Variants in MIX23 observed in about 807,000 individuals in gnomAD.
The protein encoded by MIX23 is mitochondrial matrix import factor 23.
MIX23 carries 13 observed loss-of-function variants against 21.6 expected under a neutral mutation model. That is an observed-to-expected ratio of 0.60 (90% CI 0.39 to 0.96). The LOEUF is 0.96. Ranked by LOEUF, MIX23 falls within the 40% of genes least tolerant of loss-of-function variation. The probability of loss-of-function intolerance (pLI) is 0.00; values close to 1 mark genes in which losing one functional copy is unlikely to be tolerated. For missense variants in MIX23, 144 were observed against 171.2 expected, an observed-to-expected ratio of 0.84 and a Z score of 0.89; for synonymous variants, 59 against 58.0, an observed-to-expected ratio of 1.02 and a Z score of -0.08.
chr3:122,376,157 A>G (rs1195038747), intron 1 of MIX23, among the ~76,000 whole-genome samples: 1 of 103,482 alleles, frequency 9.7e-6, no homozygotes, highest in Non-Finnish European at 1.8e-5. Flanking sequence ...GCAGAGAGAG[A>G]CTCCGTCTCA....
chr3:122,372,224 C>CAAAAAAAA (rs55800173), intron 1 of MIX23, among the ~76,000 whole-genome samples: 1 of 46,072 alleles, frequency 2.2e-5, no homozygotes, highest in African/African-American at 9.2e-5. Context: ...CTCCAACTCT[C>CAAAAAAAA]AAAAAAAAAA....
intron 2 of MIX23, among the ~76,000 whole-genome samples, chr3:122,370,099 A>T (rs184214392): frequency 6.6e-6 from 1 of 152,270 alleles, no homozygotes; most frequent in Admixed American, 6.5e-5. Context: ...TTTATAATTC[A>T]ATGCGCCAAC....
chr3:122,371,311 G>A (rs1308229234), intron 2 of MIX23, among the ~76,000 whole-genome samples: 2 of 152,236 alleles, frequency 1.3e-5, no homozygotes. Flanking sequence ...CCTTGTACCA[G>A]CTGCCTGGCT....
chr3:122,382,979 C>CT (rs1199622390), intron 1 of MIX23, among the ~76,000 whole-genome samples, 195 bp downstream of exon 1: 1 of 152,206 alleles, frequency 6.6e-6, no homozygotes, highest in Non-Finnish European at 1.5e-5. Context: ...TATGACCCCC[C>CT]TCCTCCCTCC....
intron 1 of MIX23, among the ~76,000 whole-genome samples, chr3:122,379,267 AC>A (rs2075512091): frequency 6.6e-6 from 1 of 152,186 alleles, no homozygotes; most frequent in African/African-American, 2.4e-5. Flanking sequence ...ATTTATAGGA[AC>A]CTGTTGAGAA....
intron 1 of MIX23, among the ~76,000 whole-genome samples, chr3:122,373,780 T>C (rs2075461626): frequency 6.6e-6 from 1 of 152,222 alleles, no homozygotes; most frequent in Non-Finnish European, 1.5e-5. Flanking sequence ...TACCTCAATC[T>C]AGAAGTGAAA....
chr3:122,372,970 T>C (rs2075454324), intron 1 of MIX23: 1 of 413,494 alleles, frequency 2.4e-6, no homozygotes, highest in Admixed American at 2.5e-5. Flanking sequence ...CAATATACTA[T>C]GCTACTTCTT....
In MIX23 at chr3:122,359,628, A is replaced by ATTT. The variant is rs879005909; in HGVS notation, c.*238_*240dup. ...GAAAATTATTTTAATAGTTACAAAA[A>ATTT]TTTTTTTTTTTTTTTTTTACAGAAT... On this transcript the variant is annotated 3_prime_UTR_variant, in exon 5 of 5. Transcript: ENST00000291458. 25 of 238,844 alleles carry ATTT rather than the reference A, an allele frequency of 1.0e-4. No individual in the cohort carries two copies. Among genetic ancestry groups the ATTT allele is most frequent in the South Asian group, 1.8e-4 (1 of 5,650 alleles). 14.8% of individuals were successfully genotyped at this position (238,844 alleles called of 1,614,324 possible).
chr3:122,370,688 T>C (rs947263216), intron 2 of MIX23, among the ~76,000 whole-genome samples: 18 of 152,172 alleles, frequency 1.2e-4, no homozygotes, highest in Admixed American at 1.0e-3. Flanking sequence ...AAAGTGACCA[T>C]AAATTCTAGT....
intron 1 of MIX23, among the ~76,000 whole-genome samples, chr3:122,376,166 CAAAAAA>C (rs1158747986): frequency 1.6e-5 from 1 of 64,480 alleles, no homozygotes; most frequent in African/African-American, 6.5e-5. Flanking sequence ...GACTCCGTCT[CAAAAAA>C]AAAAAAAAAA....
intron 4 of MIX23, among the ~76,000 whole-genome samples, chr3:122,362,753 C>T (rs1173986040): frequency 2.0e-5 from 3 of 152,032 alleles, no homozygotes; most frequent in Non-Finnish European, 2.9e-5. Flanking sequence ...TAAAGCTAAT[C>T]GTTATAAAAT....
chr3:122,377,537 T>C (rs1222860090), intron 1 of MIX23, among the ~76,000 whole-genome samples: 4 of 152,170 alleles, frequency 2.6e-5, no homozygotes, highest in African/African-American at 7.2e-5. Context: ...GTCATTTGTG[T>C]TGAATGTTAC....
chr3:122,367,825 G>A, intron 3 of MIX23: 1 of 232,080 alleles, frequency 4.3e-6, no homozygotes. Context: ...GTCTCAAAAG[G>A]CAGATACTGT....
intron 4 of MIX23, among the ~76,000 whole-genome samples, chr3:122,362,612 GCTGGGAT>G (rs1576229066): frequency 6.6e-6 from 1 of 151,874 alleles, no homozygotes; most frequent in Non-Finnish European, 1.5e-5. Context: ...CTCCCGAGTA[GCTGGGAT>G]TACAGGCTCA....
chr3:122,377,037 C>T (rs1252084208), intron 1 of MIX23, among the ~76,000 whole-genome samples: 3 of 152,172 alleles, frequency 2.0e-5, no homozygotes, highest in South Asian at 2.1e-4. Flanking sequence ...AAAAATTAGC[C>T]GCGCATGGTG....
intron 1 of MIX23, among the ~76,000 whole-genome samples, chr3:122,378,374 T>C (rs769887369): frequency 1.3e-5 from 2 of 152,216 alleles, no homozygotes; most frequent in South Asian, 4.1e-4. Context: ...ATGTAATGAG[T>C]CCATCAATTT....
chr3:122,374,102 A>ATT (rs367550434), intron 1 of MIX23, among the ~76,000 whole-genome samples: 3,200 of 122,880 alleles, frequency 0.026, 136 homozygotes, highest in African/African-American at 0.096. Context: ...TGACTGGCCT[A>ATT]TTTTTTTTTT....
intron 1 of MIX23, among the ~76,000 whole-genome samples, chr3:122,377,801 T>C (rs1255238601): frequency 6.6e-6 from 1 of 152,194 alleles, no homozygotes; most frequent in East Asian, 1.9e-4. Flanking sequence ...TTACCTATGA[T>C]GTGCCACTGC....
At position 122,359,759 on chromosome 3, in the gene MIX23, C is replaced by T; in HGVS notation, c.*110G>A. ...AACAAAAGGTCTTGGACTGTTGGCT[C>T]AGAAATCATCCTAGAAAGCCCGCCC... On this transcript the variant is annotated 3_prime_UTR_variant, in exon 5 of 5. Transcript: ENST00000291458. 8.7e-7 allele frequency: 1 copy of T among 1,144,770 alleles called. No individual in the cohort carries two copies. The highest frequency in any genetic ancestry group is 2.0e-5 in the South Asian group (1 of 49,752). 70.9% of individuals were successfully genotyped at this position (1,144,770 alleles called of 1,614,324 possible).
Sources: allele counts gnomAD v4.1 joint callset (sites outside exome capture counted in the v4.1 genomes callset), GRCh38; gene constraint gnomAD v4.1.1; transcripts MANE v1.5; gene names NCBI Gene and HGNC (gene_info 2026-07-23, HGNC 2026-07-21).